CACNA1B: variants seen among roughly 807,000 people sequenced by gnomAD.
The protein encoded by CACNA1B is calcium voltage-gated channel subunit alpha1 B.
A neutral mutation model predicts 247.2 loss-of-function variants in CACNA1B; 70 were observed. The ratio of observed to expected loss-of-function variants is 0.28; its 90% CI spans 0.23 to 0.35. CACNA1B has a LOEUF of 0.35. Among genes scored for constraint, CACNA1B ranks in the 10% least tolerant of loss-of-function variants. CACNA1B has a pLI of 1.00. For synonymous variants in CACNA1B, 1,231 were observed against 1,294.4 expected (o/e 0.95, Z 1.05); for missense variants, 2,367 against 3,197.4 (o/e 0.74, Z 6.26).
chr9:138,043,662 G>A (rs1224437653), intron 20 of CACNA1B, 112 bp from the exon 21 acceptor site: 3 of 1,191,516 alleles, frequency 2.5e-6, no homozygotes, highest in East Asian at 2.4e-5. Flanking sequence ...ATCCCTGGTG[G>A]GCCTGTGAGG....
intron 15 of CACNA1B, among the ~76,000 whole-genome samples, chr9:137,993,082 C>A (rs1005676065): frequency 2.0e-5 from 3 of 152,088 alleles, no homozygotes; most frequent in African/African-American, 7.2e-5. Flanking sequence ...ATCAGAAAGA[C>A]TGAAAGAGCA....
At chr9:138,022,571 C>T (rs955253189) in intron 18 of CACNA1B, among the ~76,000 whole-genome samples, 1 of 152,152 alleles carries the variant, frequency 6.6e-6, no homozygotes, top group Non-Finnish European at 1.5e-5. Flanking sequence ...GGTGCTGCAG[C>T]AGGGGCCAGC....
At chr9:138,064,041 T>A (rs567561176) in intron 31 of CACNA1B, among the ~76,000 whole-genome samples, 1 of 152,344 alleles carries the variant, frequency 6.6e-6, no homozygotes, top group South Asian at 2.1e-4. Context: ...ACGAGACCAC[T>A]GAGAGATGGG....
intron 36 of CACNA1B, among the ~76,000 whole-genome samples, chr9:138,089,596 A>C (rs745530262): frequency 4.6e-5 from 7 of 152,174 alleles, no homozygotes; most frequent in Non-Finnish European, 1.0e-4. Context: ...AAGAAAGGAT[A>C]CCCACTTTCA....
In CACNA1B at chr9:138,000,274, A is replaced by G. The variant is rs559238019; in HGVS notation, c.1975-6493A>G. Among the ~76,000 whole-genome samples the G allele has an allele frequency of 1.3e-3, 190 of 151,906 alleles. 1 individual carries two copies. Among genetic ancestry groups the G allele is most frequent in the Non-Finnish European group, 2.1e-3 (146 of 67,940 alleles). ...CCACTACGCCCGGCTAATTTTTTGT[A>G]TTTTTAGTAGAGACAGGGTTTCACC... On this transcript the variant is annotated intron_variant, in intron 15 of 46. Coordinates refer to ENST00000371372, the MANE Select transcript of CACNA1B (RefSeq NM_000718.4).
chr9:137,894,688 A>G (rs371490772), intron 3 of CACNA1B, among the ~76,000 whole-genome samples: 59 of 152,246 alleles, frequency 3.9e-4, no homozygotes, highest in South Asian at 8.3e-4. Flanking sequence ...GATTACAGGC[A>G]TGAGCCACCG....
rs373633382 is a variant in CACNA1B at position 138,034,846 on chromosome 9, T to C, written c.3287-8928T>C. On this transcript the variant is annotated intron_variant, in intron 20 of 46. Coordinates refer to ENST00000371372, the MANE Select transcript of CACNA1B (RefSeq NM_000718.4). ...CCACTTTCTGTTATCTGAGGTCCAC[T>C]GTGGTCTGAAAATATTTATTACATA... 4.5e-4 allele frequency among the ~76,000 whole-genome samples: 69 copies of C among 152,346 alleles called. 1 individual carries two copies. The highest frequency in any genetic ancestry group is 6.8e-3 in the Middle Eastern group (2 of 294).
chr9:137,899,560 G>A lies in CACNA1B; in HGVS notation c.531-13620G>A, dbSNP rs754906539. The stretch of plus-strand genomic sequence containing the variant: ...CTGTCCTTGCTTTGGAGCAGGCTAG[G>A]TGGCTCCCACTTCTTGGCCTGTTAG... On this transcript the variant is annotated intron_variant, in intron 3 of 46. Coordinates refer to ENST00000371372, the MANE Select transcript of CACNA1B (RefSeq NM_000718.4). This position sits in a 1 kb window ranked among gnomAD's most constrained non-coding sequence, Gnocchi z 5.0. 1.3e-5 allele frequency among the ~76,000 whole-genome samples: 2 copies of A among 152,208 alleles called. No homozygotes were observed. The highest frequency in any genetic ancestry group is 4.8e-5 in the African/African-American group (2 of 41,460).
At chr9:137,931,642 AT>A (rs1246889492) in intron 6 of CACNA1B, among the ~76,000 whole-genome samples, 1 of 151,534 alleles carries the variant, frequency 6.6e-6, no homozygotes, top group Non-Finnish European at 1.5e-5. Context: ...CTTCATGCTG[AT>A]TTGGGCACAG....
Position 137,955,870 on chromosome 9 carries a change from C to A in CACNA1B, c.1186+57C>A. On this transcript the variant is annotated intron_variant, in intron 8 of 46. Transcript: ENST00000371372. This position sits in a 1 kb window ranked among gnomAD's most constrained non-coding sequence, Gnocchi z 6.9. ...GCCGGCCACTGTTAGTTCTCTGTCC[C>A]CAATTCTGCTCTGCTGCCAGCTGGG... is the stretch of plus-strand genomic sequence containing the variant. The A allele has an allele frequency of 8.5e-7, 1 of 1,177,132 alleles. No homozygotes were observed. 72.9% of individuals were successfully genotyped at this position (1,177,132 alleles called of 1,614,324 possible).
intron 13 of CACNA1B, 49 bp downstream of exon 13, chr9:137,984,299 C>A: frequency 2.2e-6 from 3 of 1,346,414 alleles, no homozygotes; most frequent in Non-Finnish European, 3.1e-6. Flanking sequence ...GTGGAGAGGG[C>A]GTGGGATCAG....
chr9:137,952,836 T>C lies in CACNA1B; in HGVS notation c.1070+459T>C, dbSNP rs1957894627. Among the ~76,000 whole-genome samples the C allele has an allele frequency of 6.6e-6, 1 of 151,916 alleles. No homozygotes were observed. Among genetic ancestry groups the C allele is most frequent in the Non-Finnish European group, 1.5e-5 (1 of 67,972 alleles). On this transcript the variant is annotated intron_variant, in intron 7 of 46. Transcript: ENST00000371372. The surrounding 1 kb of genome is among the most constrained non-coding windows in gnomAD (Gnocchi z 4.8). ...TGGAGGTGTGGTCTGGGACAGGGTT[T>C]CTGAGCAGCCTCTGTGGCCACAGAG...
At chr9:138,105,554 C>T (rs534650213) in intron 38 of CACNA1B, 145 bp from the exon 39 acceptor site, 18 of 595,512 alleles carry the variant, frequency 3.0e-5, no homozygotes, top group East Asian at 8.3e-5. Context: ...AACTCCCACC[C>T]GCCCCACCTC....
intron 38 of CACNA1B, among the ~76,000 whole-genome samples, chr9:138,103,438 T>C (rs547782289): frequency 6.6e-6 from 1 of 152,254 alleles, no homozygotes; most frequent in African/African-American, 2.4e-5. Context: ...TCCTGGGGCC[T>C]CAGAGGGCTG....
chr9:138,118,009 A>G lies in CACNA1B; in HGVS notation c.5841A>G (p.Ala1947=). The G allele has an allele frequency of 6.3e-7, 1 of 1,599,816 alleles. No individual in the cohort carries two copies. Among genetic ancestry groups the G allele is most frequent in the South Asian group, 1.1e-5 (1 of 88,360 alleles). ...GGGGCACTCAAAGGACCCAGGATGCACCCCATGAGGCCAGGCCACCCCTGG... is the reference window on the plus strand; with the variant it reads ...GGGGCACTCAAAGGACCCAGGATGCGCCCCATGAGGCCAGGCCACCCCTGG... ...VSWGTQRTQD[A]PHEARPPLER... is the part of the protein sequence containing the mutation. Residue 1947 remains alanine (A), a synonymous_variant, in exon 43 of 47, where the codon GCA becomes GCG. Transcript: ENST00000371372.
chr9:138,090,940 G>A (rs1960858803), intron 36 of CACNA1B, among the ~76,000 whole-genome samples: 1 of 151,940 alleles, frequency 6.6e-6, no homozygotes. Context: ...CATGAGAATG[G>A]AGAGAAAGGA....
chr9:138,087,387 A>G (rs79692374), intron 36 of CACNA1B, among the ~76,000 whole-genome samples: 1 of 142,686 alleles, frequency 7.0e-6, no homozygotes, highest in South Asian at 2.1e-4. Flanking sequence ...TCTGTCTCAA[A>G]AAAAAAAAAA....
In CACNA1B at chr9:137,879,127, G is replaced by A. The variant is rs1303145600; in HGVS notation, c.358G>A (p.Asp120Asn). The A allele has an allele frequency of 1.2e-6, 2 of 1,611,968 alleles. No homozygotes were observed. Among genetic ancestry groups the A allele is most frequent in the South Asian group, 1.1e-5 (1 of 90,954 alleles). Residue 120 changes from aspartate to asparagine, a missense_variant, in exon 2 of 47, where the codon GAT becomes AAT. Around this residue, in one of 12 missense-constraint regions of CACNA1B, gnomAD observed 130 missense variants for 338.7 expected, o/e 0.38. Transcript: ENST00000371372. ...IVLALEQHLP[D>N]GDKTPMSERL... The stretch of plus-strand genomic sequence containing the variant: ...GCTGGCCCTGGAGCAGCACCTCCCT[G>A]ATGGGGACAAAACGCCCATGTCCGA...
chr9:138,078,905 G>A (rs1475719960), intron 36 of CACNA1B, among the ~76,000 whole-genome samples: 1 of 152,212 alleles, frequency 6.6e-6, no homozygotes, highest in Non-Finnish European at 1.5e-5. Flanking sequence ...GGGGTTTTCT[G>A]GGGCCACAGG....
Sources: allele counts gnomAD v4.1 joint callset (sites outside exome capture counted in the v4.1 genomes callset), GRCh38; gene constraint gnomAD v4.1.1; regional missense constraint gnomAD v4.1.1; non-coding constraint Gnocchi (gnomAD v3.1); transcripts MANE v1.5; gene names NCBI Gene and HGNC (gene_info 2026-07-23, HGNC 2026-07-21).